BLM: variants seen among roughly 807,000 people sequenced by gnomAD.
BLM encodes the protein BLM RecQ like helicase, also known as recQ-like DNA helicase BLM.
In BLM, 95 loss-of-function variants were observed where a neutral mutation model predicts 135.3. The observed-to-expected ratio is 0.70, with a 90% CI of 0.59 to 0.83. The LOEUF (loss-of-function observed/expected upper bound fraction) is 0.83. Ranked by LOEUF, BLM falls within the 40% of genes least tolerant of loss-of-function variation. The pLI is 0.00. For missense variants in BLM, 1,518 were observed against 1,663.9 expected, an observed-to-expected ratio of 0.91 and a Z score of 1.53; for synonymous variants, 520 against 589.2, an observed-to-expected ratio of 0.88 and a Z score of 1.70.
intron 14 of BLM, among the ~76,000 whole-genome samples, chr15:90,790,118 T>C (rs1596256634): frequency 6.6e-6 from 1 of 151,060 alleles, no homozygotes; most frequent in South Asian, 2.1e-4. Context: ...AAGGAGTTGA[T>C]GTGTGATCAG....
At chr15:90,804,063 A>G (rs1252042492) in intron 18 of BLM, 104 bp from the exon 19 acceptor site, 2 of 1,096,980 alleles carry the variant, frequency 1.8e-6, no homozygotes, top group Non-Finnish European at 1.4e-6. Context: ...TGCATGACAG[A>G]ATAGAATTGC....
At chr15:90,788,034 G>T (rs192205471) in intron 14 of BLM, among the ~76,000 whole-genome samples, 19 of 152,042 alleles carry the variant, frequency 1.2e-4, no homozygotes, top group Admixed American at 7.2e-4. Flanking sequence ...AGACACAAAT[G>T]GAATGACTCA....
intron 17 of BLM, among the ~76,000 whole-genome samples, chr15:90,802,614 A>G (rs1380622131): frequency 1.3e-5 from 2 of 152,180 alleles, no homozygotes; most frequent in Admixed American, 6.5e-5. Context: ...TTTGATAACC[A>G]GGGCCAGGGA....
intron 17 of BLM, 136 bp downstream of exon 17, chr15:90,798,473 C>A: frequency 1.2e-6 from 1 of 831,432 alleles, no homozygotes; most frequent in South Asian, 1.7e-5. Context: ...TTTTAAGTAA[C>A]AAAAGAAAGT....
At chr15:90,797,351 G>A (rs1383760050) in intron 16 of BLM, among the ~76,000 whole-genome samples, 1 of 148,658 alleles carries the variant, frequency 6.7e-6, no homozygotes, top group African/African-American at 2.5e-5. Context: ...GGGAGGTGGA[G>A]GTTGCAGGGA....
chr15:90,720,069 C>T (rs1259254656), intron 1 of BLM, among the ~76,000 whole-genome samples: 1 of 152,136 alleles, frequency 6.6e-6, no homozygotes, highest in Non-Finnish European at 1.5e-5. Context: ...CTATCATTTG[C>T]CTGTTTTTCC....
intron 1 of BLM, among the ~76,000 whole-genome samples, chr15:90,720,464 C>T (rs1363173416): frequency 6.6e-6 from 1 of 152,136 alleles, no homozygotes; most frequent in Non-Finnish European, 1.5e-5. Flanking sequence ...AACACTTGAA[C>T]TATTTTTATT....
intron 12 of BLM, among the ~76,000 whole-genome samples, chr15:90,770,954 G>A (rs754711484): frequency 2.6e-4 from 40 of 152,184 alleles, no homozygotes; most frequent in Non-Finnish European, 4.1e-4. Context: ...GTTTCTTCCA[G>A]CCTTTAAGTT....
intron 21 of BLM, among the ~76,000 whole-genome samples, chr15:90,814,110 C>G (rs1330515781): frequency 5.3e-5 from 8 of 152,340 alleles, no homozygotes; most frequent in Admixed American, 4.6e-4. Flanking sequence ...TCTGCCAGTT[C>G]TGCAGTAAAA....
chr15:90,747,646 G>C, intron 2 of BLM, 156 bp downstream of exon 2: 1 of 638,944 alleles, frequency 1.6e-6, no homozygotes, highest in Non-Finnish European at 2.9e-6. Context: ...GGTAGAGTAT[G>C]TTTTAGCAGC....
rs376896850 is a variant in BLM, at chr15:90,769,601, G to C, written c.2555+15G>C. The C allele has an allele frequency of 6.2e-7, 1 of 1,612,542 alleles. No individual in the cohort carries two copies. The highest frequency in any genetic ancestry group is 8.5e-7 in the Non-Finnish European group (1 of 1,179,188). On this transcript the variant is annotated intron_variant, in intron 12 of 21. Transcript: ENST00000355112. The stretch of plus-strand genomic sequence containing the variant: ...AGACCTCAGGTGTAAGTTGTTGCAC[G>C]TCACGTATTTGAGAACCCTGGGGCA...
At chr15:90,801,305 G>A (rs545127760) in intron 17 of BLM, among the ~76,000 whole-genome samples, 9 of 152,266 alleles carry the variant, frequency 5.9e-5, no homozygotes, top group African/African-American at 2.2e-4. Flanking sequence ...AACAACGATT[G>A]AAATCAACAT....
chr15:90,799,927 G>T lies in BLM; in HGVS notation c.3358+1590G>T, dbSNP rs905031203. Among the ~76,000 whole-genome samples, 6 of 152,120 alleles carry T rather than the reference G, an allele frequency of 3.9e-5. No homozygotes were observed. The South Asian group carries it at 8.3e-4, about 21-fold the overall frequency. Reference sequence around the variant, plus strand: ...GGCACTTATGGAAAAACAAATGACTGTTAGGAAAGACAGATGGACTGTTAG... The same window carrying T: ...GGCACTTATGGAAAAACAAATGACTTTTAGGAAAGACAGATGGACTGTTAG... On this transcript the variant is annotated intron_variant, in intron 17 of 21. Coordinates refer to ENST00000355112, the MANE Select transcript of BLM (RefSeq NM_000057.4).
intron 17 of BLM, among the ~76,000 whole-genome samples, chr15:90,801,705 A>T (rs28385126): frequency 6.6e-6 from 1 of 152,298 alleles, no homozygotes; most frequent in Non-Finnish European, 1.5e-5. Flanking sequence ...AAAACTGTTT[A>T]AAAAGCGATT....
chr15:90,779,452 G>C (rs993549723), intron 12 of BLM, among the ~76,000 whole-genome samples: 1 of 152,020 alleles, frequency 6.6e-6, no homozygotes, highest in Non-Finnish European at 1.5e-5. Context: ...CTCATGCACC[G>C]TTTCCAACTT....
intron 5 of BLM, 198 bp from the exon 6 acceptor site, chr15:90,759,949 C>G: frequency 1.0e-5 from 4 of 392,676 alleles, no homozygotes; most frequent in Non-Finnish European, 4.7e-6. Flanking sequence ...AAATCAAGAT[C>G]TTAAGACTTT....
rs565078630 is a variant in BLM at position 90,765,298 on chromosome 15, G to A, written c.2077G>A (p.Gly693Ser). The change falls in exon 9 of 22, where the codon GGT becomes AGT. Residue 693 changes from glycine (G) to serine (S), a missense_variant and splice_region_variant. Physicochemically the swap from Gly to Ser is moderately conservative, Grantham distance 56 (BLOSUM62 0). Transcript: ENST00000355112. ...ATTTTTTCATTGTTCTCTTTCAGGAGGTGGTAAGAGTTTGTGTTACCAGCT... is the reference window on the plus strand; with the variant it reads ...ATTTTTTCATTGTTCTCTTTCAGGAAGTGGTAAGAGTTTGTGTTACCAGCT... Reference protein sequence around the residue: ...EDCFILMPTGGGKSLCYQLPA... With the variant: ...EDCFILMPTGSGKSLCYQLPA... 1 of 1,598,818 alleles carries A rather than the reference G, an allele frequency of 6.3e-7. No individual in the cohort carries two copies. The highest frequency in any genetic ancestry group is 1.1e-5 in the South Asian group (1 of 90,738).
At chr15:90,763,893 CCTCT>C (rs1896052526) in intron 8 of BLM, among the ~76,000 whole-genome samples, 1 of 152,158 alleles carries the variant, frequency 6.6e-6, no homozygotes, top group Non-Finnish European at 1.5e-5. Context: ...TGTAGTCCTC[CCTCT>C]GTCTATCACC....
intron 17 of BLM, among the ~76,000 whole-genome samples, chr15:90,800,552 CA>C (rs1897139772): frequency 6.6e-6 from 1 of 152,112 alleles, no homozygotes; most frequent in Admixed American, 6.5e-5. Flanking sequence ...TGGTGGCACA[CA>C]CCAGTAATCC....
Sources: allele counts gnomAD v4.1 joint callset (sites outside exome capture counted in the v4.1 genomes callset), GRCh38; gene constraint gnomAD v4.1.1; transcripts MANE v1.5; gene names NCBI Gene and HGNC (gene_info 2026-07-23, HGNC 2026-07-21).